Variants in PPP1R12B observed in about 807,000 individuals in gnomAD.
PPP1R12B encodes the protein protein phosphatase 1 regulatory subunit 12B, also known as myosin phosphatase target subunit 2.
A neutral mutation model predicts 126.1 loss-of-function variants in PPP1R12B; 76 were observed. That is an observed-to-expected ratio of 0.60 (90% CI 0.50 to 0.73). PPP1R12B has a LOEUF of 0.73. PPP1R12B is among the 30% of genes least tolerant of loss of function. The probability of loss-of-function intolerance (pLI) is 0.00; values close to 1 mark genes in which losing one functional copy is unlikely to be tolerated. For synonymous variants in PPP1R12B, 356 were observed against 434.7 expected, an observed-to-expected ratio of 0.82 and a Z score of 2.25; for missense variants, 1,052 against 1,205.1, an observed-to-expected ratio of 0.87 and a Z score of 1.88.
chr1:202,556,422 G>A (rs1686947495), intron 18 of PPP1R12B, among the ~76,000 whole-genome samples: 1 of 152,112 alleles, frequency 6.6e-6, no homozygotes, highest in Admixed American at 6.5e-5. Context: ...CACCTATTGT[G>A]TTCTGGCCCT....
intron 18 of PPP1R12B, among the ~76,000 whole-genome samples, chr1:202,503,325 T>G (rs1460011644): frequency 6.6e-6 from 1 of 152,206 alleles, no homozygotes; most frequent in African/African-American, 2.4e-5. Flanking sequence ...TTTTATTAAT[T>G]GAGATGGAGA....
chr1:202,535,834 A>C (rs1164012955), intron 18 of PPP1R12B, among the ~76,000 whole-genome samples: 4 of 152,216 alleles, frequency 2.6e-5, no homozygotes, highest in Non-Finnish European at 5.9e-5. Context: ...GGAACAATAA[A>C]TGCTTGTTGG....
chr1:202,430,508 A>T (rs1290647703), intron 6 of PPP1R12B, among the ~76,000 whole-genome samples: 1 of 151,416 alleles, frequency 6.6e-6, no homozygotes, highest in Non-Finnish European at 1.5e-5. Flanking sequence ...GAGCAGTTTT[A>T]TTGAAGTTCT....
intron 23 of PPP1R12B, among the ~76,000 whole-genome samples, chr1:202,570,564 C>CA (rs752031865): frequency 3.3e-5 from 5 of 152,184 alleles, no homozygotes; most frequent in Non-Finnish European, 7.3e-5. Flanking sequence ...AATTGATTCT[C>CA]ATGAGATGGT....
chr1:202,512,514 G>A (rs1681646280), intron 18 of PPP1R12B, among the ~76,000 whole-genome samples: 1 of 152,206 alleles, frequency 6.6e-6, no homozygotes, highest in East Asian at 1.9e-4. Context: ...TATTAGCTGG[G>A]TGGTCTTGGA....
chr1:202,366,278 G>A (rs1439459838), intron 1 of PPP1R12B, among the ~76,000 whole-genome samples: 1 of 152,140 alleles, frequency 6.6e-6, no homozygotes, highest in African/African-American at 2.4e-5. Context: ...CAGCACTTTG[G>A]GAGGCTGAGG....
intron 1 of PPP1R12B, among the ~76,000 whole-genome samples, chr1:202,368,358 C>T (rs1304672580): frequency 6.6e-6 from 1 of 152,180 alleles, no homozygotes; most frequent in South Asian, 2.1e-4. Flanking sequence ...CCGCTTCGCC[C>T]TCCACTGTGA....
chr1:202,430,607 C>T (rs1372483530), intron 6 of PPP1R12B, 124 bp from the exon 7 acceptor site: 4 of 927,092 alleles, frequency 4.3e-6, no homozygotes, highest in Non-Finnish European at 6.3e-6. Context: ...TCGGGTTCCC[C>T]ACTACCTCTT....
chr1:202,405,492 C>G (rs1391279552), intron 1 of PPP1R12B, among the ~76,000 whole-genome samples: 1 of 152,104 alleles, frequency 6.6e-6, no homozygotes, highest in Non-Finnish European at 1.5e-5. Context: ...CTTGTTAACT[C>G]TGGAGATAAT....
chr1:202,524,347 A>G lies in PPP1R12B; in HGVS notation c.2490+27525A>G, dbSNP rs561056514. 7.2e-4 allele frequency among the ~76,000 whole-genome samples: 110 copies of G among 152,272 alleles called. 1 individual carries two copies. The South Asian group carries it at 0.019, about 26-fold the overall frequency. On this transcript the variant is annotated intron_variant, in intron 18 of 23. Coordinates refer to ENST00000608999, the MANE Select transcript of PPP1R12B (RefSeq NM_002481.4). ...CAAATGAAGCAGGTTGGGGAAGAAA[A>G]CTAGGAAGCCAATCTTATTTATTTA...
intron 18 of PPP1R12B, among the ~76,000 whole-genome samples, chr1:202,541,548 T>G (rs1228751119): frequency 6.6e-6 from 1 of 152,198 alleles, no homozygotes; most frequent in East Asian, 1.9e-4. Flanking sequence ...GGCTACCAAT[T>G]GAGGTCCACA....
At chr1:202,427,407 C>G (rs796220777) in intron 5 of PPP1R12B, among the ~76,000 whole-genome samples, 7 of 152,048 alleles carry the variant, frequency 4.6e-5, no homozygotes, top group African/African-American at 1.7e-4. Context: ...TATTTATGTT[C>G]AAGCCTCTAA....
intron 18 of PPP1R12B, among the ~76,000 whole-genome samples, chr1:202,556,809 G>A (rs1687001163): frequency 6.6e-6 from 1 of 152,182 alleles, no homozygotes; most frequent in Non-Finnish European, 1.5e-5. Context: ...AAATACAATA[G>A]ATGCTTTACA....
In PPP1R12B at chr1:202,527,737, G is replaced by T. The variant is rs368153418; in HGVS notation, c.2490+30915G>T. Among the ~76,000 whole-genome samples, 34 of 152,176 alleles carry T rather than the reference G, an allele frequency of 2.2e-4. 1 individual carries two copies. In the East Asian group the frequency reaches 6.4e-3, roughly 29 times the overall value. On this transcript the variant is annotated intron_variant, in intron 18 of 23. Coordinates refer to ENST00000608999, the MANE Select transcript of PPP1R12B (RefSeq NM_002481.4). ...CCAAGCCTAGAGTAATTTGGGGGAT[G>T]AATTCTATCAAACTGTCAAGGAACA... is the stretch of plus-strand genomic sequence containing the variant.
rs1689709228 is a variant in PPP1R12B, at chr1:202,584,516, C to G, written c.*3956C>G. ...CAAAGATGATGGAAGAAGAAACTCT[C>G]AAAGCCATGTACTTTGTTAGGTGTC... On this transcript the variant is annotated 3_prime_UTR_variant, in exon 24 of 24. Coordinates refer to ENST00000608999, the MANE Select transcript of PPP1R12B (RefSeq NM_002481.4). 6.6e-6 allele frequency: 1 copy of G among 152,200 alleles called. No homozygotes were observed. The highest frequency in any genetic ancestry group is 6.5e-5 in the Admixed American group (1 of 15,286). 9.4% of individuals were successfully genotyped at this position (152,200 alleles called of 1,614,324 possible).
chr1:202,350,760 A>G (rs1655804585), intron 1 of PPP1R12B, among the ~76,000 whole-genome samples: 1 of 151,786 alleles, frequency 6.6e-6, no homozygotes, highest in Non-Finnish European at 1.5e-5. Context: ...AGCTGGGATT[A>G]CAGGCGCCTG....
intron 13 of PPP1R12B, among the ~76,000 whole-genome samples, chr1:202,486,789 C>T (rs561945709): frequency 3.9e-5 from 6 of 152,288 alleles, no homozygotes; most frequent in East Asian, 1.9e-4. Context: ...GCATGGGCAA[C>T]GAAGTAAGAC....
At chr1:202,354,474 C>T (rs1000267029) in intron 1 of PPP1R12B, among the ~76,000 whole-genome samples, 3 of 152,120 alleles carry the variant, frequency 2.0e-5, no homozygotes, top group Admixed American at 1.3e-4. Context: ...GAGGCTGAGG[C>T]GGGAGGATAG....
intron 1 of PPP1R12B, among the ~76,000 whole-genome samples, chr1:202,369,323 G>C (rs1659820388): frequency 6.6e-6 from 1 of 151,974 alleles, no homozygotes; most frequent in South Asian, 2.1e-4. Context: ...TTTAGAAGGG[G>C]GAAACAGTGA....
Sources: allele counts gnomAD v4.1 joint callset (sites outside exome capture counted in the v4.1 genomes callset), GRCh38; gene constraint gnomAD v4.1.1; transcripts MANE v1.5; gene names NCBI Gene and HGNC (gene_info 2026-07-23, HGNC 2026-07-21).